The following SHROOM3 variants were observed in gnomAD, a reference collection of about 807,000 sequenced individuals.
The protein encoded by SHROOM3 is protein Shroom3.
In SHROOM3, 47 loss-of-function variants were observed where a neutral mutation model predicts 138.6. The observed-to-expected ratio is 0.34, with a 90% confidence interval of 0.27 to 0.43. The LOEUF (loss-of-function observed/expected upper bound fraction) is 0.43, where lower values mean the gene tolerates loss of function less well. SHROOM3 is among the 20% of genes least tolerant of loss of function. SHROOM3 has a pLI of 1.00. For missense variants in SHROOM3, 2,491 were observed against 2,596.5 expected (o/e 0.96, Z 0.88); for synonymous variants, 1,062 against 1,063.3 (o/e 1.00, Z 0.02).
At chr4:76,522,807 AG>A (rs1181085145) in intron 1 of SHROOM3, among the ~76,000 whole-genome samples, 1 of 152,178 alleles carries the variant, frequency 6.6e-6, no homozygotes, top group African/African-American at 2.4e-5. Context: ...TAAAAATAAA[AG>A]TAAATGCTTT....
intron 2 of SHROOM3, among the ~76,000 whole-genome samples, chr4:76,667,701 G>GCA (rs1263977432): frequency 4.9e-4 from 75 of 151,988 alleles, no homozygotes; most frequent in Admixed American, 2.3e-3. Flanking sequence ...GGGCGCGGTG[G>GCA]CTCACGCCTG....
At position 76,619,150 on chromosome 4, in the gene SHROOM3, C is replaced by G. The variant is rs538666653; in HGVS notation, c.323+63387C>G. Among the ~76,000 whole-genome samples, 3 of 152,178 alleles carry G rather than the reference C, an allele frequency of 2.0e-5. No homozygotes were observed. In the South Asian group the frequency reaches 6.2e-4, roughly 32 times the overall value. On this transcript the variant is annotated intron_variant, in intron 2 of 10. Coordinates refer to ENST00000296043, the MANE Select transcript of SHROOM3 (RefSeq NM_020859.4). ...GGCATGAGCCACTGTGCCCAGGCTT[C>G]TTTTTCATTTCTTTTAATCTGGAAC... is the stretch of plus-strand genomic sequence containing the variant.
intron 2 of SHROOM3, among the ~76,000 whole-genome samples, chr4:76,590,921 T>C (rs943437764): frequency 6.6e-6 from 1 of 152,202 alleles, no homozygotes; most frequent in African/African-American, 2.4e-5. Flanking sequence ...GGCTATTTAG[T>C]TAGTGAAATG....
In SHROOM3 at chr4:76,529,492, G is replaced by GTA. The variant is rs1233713311; in HGVS notation, c.169-26107_169-26106dup. Among the ~76,000 whole-genome samples the GTA allele has an allele frequency of 7.3e-5, 11 of 151,682 alleles. No individual in the cohort carries two copies. The East Asian group carries it at 1.4e-3, about 19-fold the overall frequency. ...CCACCACACCCAGCTAATTTTTTGT[G>GTA]TATATATATATTTTAGTAGACACGG... On this transcript the variant is annotated intron_variant, in intron 1 of 10. Transcript: ENST00000296043.
At chr4:76,671,528 G>A (rs191537344) in intron 2 of SHROOM3, among the ~76,000 whole-genome samples, 39 of 152,280 alleles carry the variant, frequency 2.6e-4, no homozygotes, top group African/African-American at 9.4e-4. Context: ...TCCTGGGTCT[G>A]CCAGCCCTCT....
Position 76,755,282 on chromosome 4 carries a change from C to A in SHROOM3, c.4709+90C>A. 1.4e-6 allele frequency: 2 copies of A among 1,447,908 alleles called. 1 individual carries two copies. The highest frequency in any genetic ancestry group is 2.4e-5 in the South Asian group (2 of 82,214). The allele number at this position is 1,447,908 out of a possible 1,614,324, so 89.7% of individuals were successfully genotyped here. ...GGTCCTTCTGCTGGCCACAGAAGAA[C>A]CCTGGCATGGAGATGTTTCTATACA... is the stretch of plus-strand genomic sequence containing the variant. On this transcript the variant is annotated intron_variant, in intron 7 of 10. Transcript: ENST00000296043.
chr4:76,669,756 T>C (rs972902868), intron 2 of SHROOM3, among the ~76,000 whole-genome samples: 2 of 152,204 alleles, frequency 1.3e-5, no homozygotes, highest in East Asian at 1.9e-4. Flanking sequence ...GTCAGATTTA[T>C]ATAGAGGTGA....
intron 2 of SHROOM3, among the ~76,000 whole-genome samples, chr4:76,605,481 T>C (rs1734594419): frequency 6.6e-6 from 1 of 152,166 alleles, no homozygotes; most frequent in Non-Finnish European, 1.5e-5. Context: ...TGTATCCCCT[T>C]AAACTGTCAG....
intron 2 of SHROOM3, among the ~76,000 whole-genome samples, chr4:76,585,704 TA>T (rs1234539084): frequency 6.6e-6 from 1 of 152,218 alleles, no homozygotes; most frequent in East Asian, 1.9e-4. Context: ...ATCTTTATTA[TA>T]AATGATCTAT....
intron 2 of SHROOM3, among the ~76,000 whole-genome samples, chr4:76,663,247 C>T (rs1387575002): frequency 6.6e-6 from 1 of 151,910 alleles, no homozygotes; most frequent in Non-Finnish European, 1.5e-5. Flanking sequence ...AGGGAAGGAG[C>T]CATTGGGTCT....
Position 76,754,467 on chromosome 4 carries a change from G to A in SHROOM3, c.3984G>A (p.Arg1328=). 2 of 1,614,154 alleles carry A rather than the reference G, an allele frequency of 1.2e-6. No homozygotes were observed. The highest frequency in any genetic ancestry group is 1.7e-6 in the Non-Finnish European group (2 of 1,180,020). The change falls in exon 7 of 11, where the codon AGG becomes AGA. Residue 1328 remains arginine, a synonymous_variant. Coordinates refer to ENST00000296043, the MANE Select transcript of SHROOM3 (RefSeq NM_020859.4). ...GTLDHQRQAS[R]TPCPRPPLAG... Reference sequence around the variant, plus strand: ...TGGACCATCAGAGGCAAGCCAGTAGGACACCCTGCCCCAGGCCACCACTGG... The same window carrying A: ...TGGACCATCAGAGGCAAGCCAGTAGAACACCCTGCCCCAGGCCACCACTGG...
intron 2 of SHROOM3, among the ~76,000 whole-genome samples, chr4:76,557,226 T>TACACAC (rs35294663): frequency 0.08 from 11,295 of 141,900 alleles, 502 homozygotes; most frequent in East Asian, 0.15. Flanking sequence ...TGTTTATGTA[T>TACACAC]ACACACACAC....
intron 1 of SHROOM3, among the ~76,000 whole-genome samples, chr4:76,472,944 C>T (rs753442488): frequency 4.2e-4 from 64 of 152,288 alleles, no homozygotes; most frequent in Admixed American, 3.1e-3. Flanking sequence ...CCGCCCACCG[C>T]GGCTTCCCAA....
At chr4:76,613,138 A>G (rs1182422997) in intron 2 of SHROOM3, among the ~76,000 whole-genome samples, 1 of 152,198 alleles carries the variant, frequency 6.6e-6, no homozygotes, top group Non-Finnish European at 1.5e-5. Context: ...ATTGTAGGAT[A>G]GGCAGGTGGT....
intron 3 of SHROOM3, among the ~76,000 whole-genome samples, chr4:76,728,842 G>A (rs1283271512): frequency 6.6e-6 from 1 of 152,112 alleles, no homozygotes; most frequent in African/African-American, 2.4e-5. Flanking sequence ...TCTCAGGCCA[G>A]GCTCTGTCAT....
Position 76,730,806 on chromosome 4 carries a change from G to A in SHROOM3, c.458G>A (p.Arg153His), listed in dbSNP as rs777596931. ...GGVKLRLKHR[R>H]SEPAGRPHSW... is the part of the protein sequence containing the mutation. The stretch of plus-strand genomic sequence containing the variant: ...GGGTCCCTCCTGTGTCTCCCCAGGC[G>A]CAGTGAGCCTGCAGGCCGACCTCAC... Residue 153 changes from arginine to histidine, a missense_variant and splice_region_variant, in exon 4 of 11, where the codon CGC becomes CAC. Arg to His is a conservative substitution (Grantham distance 29). Coordinates refer to ENST00000296043, the MANE Select transcript of SHROOM3 (RefSeq NM_020859.4). The A allele has an allele frequency of 4.3e-5, 69 of 1,613,870 alleles. 1 individual carries two copies. In the East Asian group the frequency reaches 6.5e-4, roughly 15 times the overall value.
chr4:76,621,724 T>C (rs1735010512), intron 2 of SHROOM3, among the ~76,000 whole-genome samples: 1 of 152,230 alleles, frequency 6.6e-6, no homozygotes, highest in Non-Finnish European at 1.5e-5. Context: ...AGTAAGTGTT[T>C]ATGCTGCTTG....
chr4:76,620,657 G>A (rs1440949572), intron 2 of SHROOM3, among the ~76,000 whole-genome samples: 3 of 152,092 alleles, frequency 2.0e-5, no homozygotes, highest in African/African-American at 7.2e-5. Flanking sequence ...TTGAAAGCCC[G>A]ACTACAGGGG....
At chr4:76,458,176 A>G (rs973775600) in intron 1 of SHROOM3, among the ~76,000 whole-genome samples, 1 of 152,216 alleles carries the variant, frequency 6.6e-6, no homozygotes, top group African/African-American at 2.4e-5. Context: ...ACATGGAAAG[A>G]TATTATATAT....
Sources: allele counts gnomAD v4.1 joint callset (sites outside exome capture counted in the v4.1 genomes callset), GRCh38; gene constraint gnomAD v4.1.1; transcripts MANE v1.5; gene names NCBI Gene and HGNC (gene_info 2026-07-23, HGNC 2026-07-21).